The following ERICH2 variants were observed in gnomAD, a reference collection of about 807,000 sequenced individuals.
ERICH2 encodes the protein glutamate rich 2.
Under a neutral mutation model 17.4 loss-of-function variants are expected in ERICH2, and 17 were observed. The observed-to-expected ratio is 0.98, with a 90% CI of 0.67 to 1.47. The LOEUF (loss-of-function observed/expected upper bound fraction) is 1.47, where lower values mean the gene tolerates loss of function less well. Ranked by LOEUF, ERICH2 falls within the 40% of genes most tolerant of loss-of-function variation. The pLI, the probability that ERICH2 is intolerant of heterozygous loss-of-function variation, is 0.00. For synonymous variants in ERICH2, 51 were observed against 61.1 expected, an observed-to-expected ratio of 0.83 and a Z score of 0.77; for missense variants, 186 against 183.2, an observed-to-expected ratio of 1.01 and a Z score of -0.09.
intron 2 of ERICH2, among the ~76,000 whole-genome samples, chr2:170,791,743 G>A (rs1224404255): frequency 6.6e-6 from 1 of 151,398 alleles, no homozygotes; most frequent in East Asian, 1.9e-4. Context: ...TAAATAATTA[G>A]TATGTGAATG....
upstream of ERICH2, chr2:170,780,037 C>T (rs1700992746): frequency 6.0e-6 from 1 of 167,122 alleles, no homozygotes; most frequent in African/African-American, 2.4e-5. Flanking sequence ...GGAAAAAATT[C>T]TAAAACTTAG....
At chr2:170,786,335 G>A (rs1020402840) in intron 2 of ERICH2, among the ~76,000 whole-genome samples, 4 of 151,814 alleles carry the variant, frequency 2.6e-5, no homozygotes, top group South Asian at 2.1e-4. Context: ...GGCTTTGAAC[G>A]GTTGCTTCAT....
At chr2:170,794,013 C>T (rs1473097702) in intron 3 of ERICH2, among the ~76,000 whole-genome samples, 4 of 151,596 alleles carry the variant, frequency 2.6e-5, no homozygotes, top group Admixed American at 2.6e-4. Context: ...TCATGATGTC[C>T]CATGTGTATC....
the ERICH2 span, among the ~76,000 whole-genome samples, chr2:170,775,342 G>A: frequency 6.6e-6 from 1 of 152,080 alleles, no homozygotes; most frequent in Non-Finnish European, 1.5e-5. Flanking sequence ...TGAGGTGGGA[G>A]GATTGCTTGA....
At chr2:170,787,640 C>T (rs1202168364) in intron 2 of ERICH2, among the ~76,000 whole-genome samples, 1 of 152,232 alleles carries the variant, frequency 6.6e-6, no homozygotes, top group African/African-American at 2.4e-5. Flanking sequence ...AAAGAAACAC[C>T]TCTGCAGATT....
intron 2 of ERICH2, among the ~76,000 whole-genome samples, chr2:170,786,940 T>G (rs528251897): frequency 2.2e-4 from 33 of 152,246 alleles, no homozygotes; most frequent in Non-Finnish European, 4.4e-4. Context: ...CTGCCTGCTA[T>G]TCTATCGTCT....
At chr2:170,786,736 T>G (rs1193987400) in intron 2 of ERICH2, among the ~76,000 whole-genome samples, 1 of 152,184 alleles carries the variant, frequency 6.6e-6, no homozygotes, top group Non-Finnish European at 1.5e-5. Flanking sequence ...CTCTTCAGGT[T>G]TATAATCTTT....
At chr2:170,770,981 G>GC in the ERICH2 span, 1 of 9,480 alleles carries the variant, frequency 1.1e-4, no homozygotes, top group Non-Finnish European at 2.5e-4. Context: ...CCCTGCCCCC[G>GC]CCCCCGCCCC....
chr2:170,778,969 T>G (rs1321030036), upstream of ERICH2, among the ~76,000 whole-genome samples: 2 of 152,202 alleles, frequency 1.3e-5, no homozygotes, highest in Non-Finnish European at 2.9e-5. Flanking sequence ...TCTCTTGATC[T>G]CAGTCCTAAT....
At chr2:170,775,074 C>G in the ERICH2 span, among the ~76,000 whole-genome samples, 17 of 152,102 alleles carry the variant, frequency 1.1e-4, no homozygotes, top group Admixed American at 5.2e-4. Context: ...AATGTTTCAT[C>G]TAGGTGAAGA....
the ERICH2 span, among the ~76,000 whole-genome samples, chr2:170,774,229 G>A: frequency 6.6e-6 from 1 of 152,158 alleles, no homozygotes; most frequent in Non-Finnish European, 1.5e-5. Flanking sequence ...AGCCCTCAGA[G>A]ATAATCTGCT....
intron 2 of ERICH2, 55 bp from the exon 8 acceptor site, chr2:170,792,808 G>T: frequency 8.9e-7 from 1 of 1,126,384 alleles, no homozygotes; most frequent in Non-Finnish European, 1.2e-6. Context: ...TTTCTAGGGA[G>T]TTTAGAGTTG....
chr2:170,777,410 A>G, the ERICH2 span: 1 of 1,182,762 alleles, frequency 8.5e-7, no homozygotes, highest in Non-Finnish European at 1.0e-6. Context: ...CAGATTGCTA[A>G]TGTTTGATCC....
At chr2:170,789,663 A>G (rs1701239238) in intron 2 of ERICH2, among the ~76,000 whole-genome samples, 1 of 152,230 alleles carries the variant, frequency 6.6e-6, no homozygotes, top group Admixed American at 6.5e-5. Context: ...TCTTAATTTT[A>G]CTGCCTTTTG....
In ERICH2 at chr2:170,797,963, A is replaced by G. The variant is rs1701469666; in HGVS notation, c.275-78A>G. The stretch of plus-strand genomic sequence containing the variant: ...TTTCACCTGCTCTGACTGACAGTTC[A>G]ATTTCATTCTAAGGAGCCTGTTTGC... On this transcript the variant is annotated intron_variant, in intron 3 of 4. Coordinates refer to ENST00000409885, the Ensembl canonical transcript of ERICH2. The G allele has an allele frequency of 4.2e-6, 4 of 948,242 alleles. No homozygotes were observed. In the Admixed American group the frequency reaches 8.4e-5, roughly 20 times the overall value. The allele number at this position is 948,242 out of a possible 1,614,324, so 58.7% of individuals were successfully genotyped here. A position where few individuals can be genotyped will look rare whatever the true frequency, so the allele number is the denominator to read the frequency against.
chr2:170,771,663 C>T, the ERICH2 span, among the ~76,000 whole-genome samples: 1 of 152,226 alleles, frequency 6.6e-6, no homozygotes. This position sits in a 1 kb window ranked among gnomAD's most constrained non-coding sequence, Gnocchi z 4.8. Flanking sequence ...TCACTACTAG[C>T]TAGATATAAC....
At chr2:170,791,344 T>G (rs1385696687) in intron 2 of ERICH2, among the ~76,000 whole-genome samples, 1 of 152,148 alleles carries the variant, frequency 6.6e-6, no homozygotes, top group African/African-American at 2.4e-5. Context: ...AATTTTACCC[T>G]CATGATGATG....
At chr2:170,782,656 A>G (rs1304013955), upstream of ERICH2, among the ~76,000 whole-genome samples, 2 of 152,276 alleles carry the variant, frequency 1.3e-5, no homozygotes, top group Admixed American at 1.3e-4. Context: ...CATTCATTTA[A>G]TAACCAGAGT....
upstream of ERICH2, among the ~76,000 whole-genome samples, chr2:170,780,327 C>T (rs1324829844): frequency 6.6e-6 from 1 of 152,084 alleles, no homozygotes; most frequent in Admixed American, 6.6e-5. Context: ...AGGAAATTGA[C>T]CTTTGGGCCT....
Sources: gnomAD v4.1 joint callset for allele counts (sites outside exome capture counted in the v4.1 genomes callset) on GRCh38, gnomAD v4.1.1 for gene constraint, Gnocchi (gnomAD v3.1) non-coding constraint, MANE v1.5 for transcripts, NCBI Gene and HGNC (gene_info 2026-07-23, HGNC 2026-07-21) for gene names.